Variants in CSMD2 observed in about 807,000 individuals in gnomAD.
The protein encoded by CSMD2 is CUB and Sushi multiple domains 2, also known as CUB and sushi domain-containing protein 2.
In CSMD2, 130 loss-of-function variants were observed where a neutral mutation model predicts 398.5. The observed-to-expected ratio is 0.33, with a 90% CI of 0.28 to 0.38. The LOEUF (loss-of-function observed/expected upper bound fraction) is 0.38. Ranked by LOEUF, CSMD2 falls within the 10% of genes least tolerant of loss-of-function variation. The probability of loss-of-function intolerance (pLI) is 1.00; values close to 1 mark genes in which losing one functional copy is unlikely to be tolerated. For missense variants in CSMD2, 3,829 were observed against 4,764.9 expected, an observed-to-expected ratio of 0.80 and a Z score of 5.78; for synonymous variants, 1,828 against 1,908.5, an observed-to-expected ratio of 0.96 and a Z score of 1.10.
rs1411493356 is a variant in CSMD2 at position 33,698,848 on chromosome 1, C to G, written c.3830G>C (p.Ser1277Thr). Reference protein sequence around the residue: ...GHFAGSSVSFSCDPGYSLRGS... With the variant: ...GHFAGSSVSFTCDPGYSLRGS... ...CCGCAGGCTGTATCCAGGGTCACAG[C>G]TGAAGGACACGGAGCTCCCTGCAAA... Residue 1277 changes from serine (S) to threonine (T), a missense_variant, in exon 24 of 71, where the codon AGC becomes ACC. Ser to Thr is a moderately conservative substitution (Grantham distance 58). Transcript: ENST00000373381. 3 of 1,614,240 alleles carry G rather than the reference C, an allele frequency of 1.9e-6. No individual in the cohort carries two copies. Among genetic ancestry groups the G allele is most frequent in the Admixed American group, 1.7e-5 (1 of 60,028 alleles).
chr1:34,143,102 G>A (rs912465119), intron 1 of CSMD2, among the ~76,000 whole-genome samples: 1 of 152,096 alleles, frequency 6.6e-6, no homozygotes, highest in African/African-American at 2.4e-5. Flanking sequence ...TCTATAAAAT[G>A]AGAATCATTA....
At chr1:33,545,061 C>A (rs991047760) in intron 57 of CSMD2, among the ~76,000 whole-genome samples, 1 of 152,118 alleles carries the variant, frequency 6.6e-6, no homozygotes, top group Non-Finnish European at 1.5e-5. Flanking sequence ...CTTAAGTGAG[C>A]GCTCAGTGCT....
chr1:34,056,825 G>A (rs1176680200), intron 2 of CSMD2, among the ~76,000 whole-genome samples: 4 of 152,154 alleles, frequency 2.6e-5, no homozygotes, highest in African/African-American at 7.2e-5. Context: ...GAGGGGAGGG[G>A]ATATGAAACA....
chr1:33,583,574 C>A, intron 47 of CSMD2, 68 bp downstream of exon 47: 3 of 1,485,206 alleles, frequency 2.0e-6, no homozygotes, highest in South Asian at 2.5e-5. Flanking sequence ...GCAGCACAGA[C>A]TCCTCGGGTT....
chr1:33,887,936 A>G (rs1279092190), intron 5 of CSMD2, among the ~76,000 whole-genome samples: 2 of 152,216 alleles, frequency 1.3e-5, no homozygotes, highest in African/African-American at 4.8e-5. Context: ...GAAGAAATGT[A>G]CAGAAATCAA....
intron 57 of CSMD2, among the ~76,000 whole-genome samples, chr1:33,543,865 GT>G (rs1293607188): frequency 6.6e-6 from 1 of 152,090 alleles, no homozygotes; most frequent in East Asian, 1.9e-4. Context: ...TAATGAGTTG[GT>G]TTCCTAGCAA....
intron 2 of CSMD2, among the ~76,000 whole-genome samples, chr1:34,054,349 T>G (rs556100590): frequency 6.6e-6 from 1 of 152,200 alleles, no homozygotes; most frequent in Non-Finnish European, 1.5e-5. Flanking sequence ...AAAAAGTTTC[T>G]TCAGGCTTAA....
chr1:34,165,829 A>G, upstream of CSMD2: 3 of 1,480,312 alleles, frequency 2.0e-6, no homozygotes, highest in Non-Finnish European at 2.7e-6. Context: ...ATAGCCTCCT[A>G]CCCCATCCCA....
chr1:33,572,386 T>G, intron 50 of CSMD2, 120 bp downstream of exon 50: 3 of 877,772 alleles, frequency 3.4e-6, no homozygotes, highest in African/African-American at 2.1e-5. Flanking sequence ...AACCTCCATG[T>G]CCATGTTTTT....
At chr1:33,864,152 T>G in intron 5 of CSMD2, 1 of 1,540,576 alleles carries the variant, frequency 6.5e-7, no homozygotes. Context: ...GTCTCTCCTG[T>G]CCACGTTACT....
At chr1:33,978,218 T>A (rs1646038912) in intron 3 of CSMD2, among the ~76,000 whole-genome samples, 1 of 152,254 alleles carries the variant, frequency 6.6e-6, no homozygotes, top group Non-Finnish European at 1.5e-5. Flanking sequence ...GAGCCTGTAC[T>A]CTTGGCCCCA....
chr1:33,715,361 A>C (rs900202815), intron 20 of CSMD2, among the ~76,000 whole-genome samples: 1 of 152,246 alleles, frequency 6.6e-6, no homozygotes, highest in African/African-American at 2.4e-5. Context: ...GACGGCAAGC[A>C]TGACCAGGGG....
intron 3 of CSMD2, among the ~76,000 whole-genome samples, chr1:33,966,577 C>A (rs1407967308): frequency 1.3e-5 from 2 of 152,076 alleles, no homozygotes; most frequent in African/African-American, 4.8e-5. Context: ...AAAATAGAGC[C>A]AACTGCCCAG....
intron 4 of CSMD2, among the ~76,000 whole-genome samples, chr1:33,919,871 T>C (rs986596993): frequency 1.3e-5 from 2 of 152,248 alleles, no homozygotes; most frequent in African/African-American, 4.8e-5. Flanking sequence ...GCACCTACTA[T>C]GTGTCAGCCA....
intron 6 of CSMD2, among the ~76,000 whole-genome samples, chr1:33,831,043 C>T (rs1659491333): frequency 1.3e-5 from 2 of 152,134 alleles, no homozygotes; most frequent in African/African-American, 2.4e-5. Flanking sequence ...GATTGGTGTA[C>T]CTGAAAGTGA....
chr1:33,695,391 G>T lies in CSMD2; in HGVS notation c.3926-2335C>A, dbSNP rs1645387834. ...TTTGCATGTTAGGAGGAGTCACTGT[G>T]GTGGCAGTATGATGGGGTACAGCAG... On this transcript the variant is annotated intron_variant, in intron 24 of 70. Transcript: ENST00000373381. Among the ~76,000 whole-genome samples, 3 of 152,140 alleles carry T rather than the reference G, an allele frequency of 2.0e-5. No homozygotes were observed. In the South Asian group the frequency reaches 6.2e-4, roughly 32 times the overall value.
At chr1:33,585,401 G>C (rs1038401703) in intron 46 of CSMD2, among the ~76,000 whole-genome samples, 1 of 152,158 alleles carries the variant, frequency 6.6e-6, no homozygotes, top group Non-Finnish European at 1.5e-5. Flanking sequence ...TCAGCACGGG[G>C]GCTGGGCTCC....
At chr1:33,680,600 C>T (rs1259504622) in intron 25 of CSMD2, among the ~76,000 whole-genome samples, 1 of 152,168 alleles carries the variant, frequency 6.6e-6, no homozygotes, top group African/African-American at 2.4e-5. Flanking sequence ...GTGCTCTGGG[C>T]CTTATATCCG....
At chr1:33,722,428 G>A (rs879879068) in intron 19 of CSMD2, among the ~76,000 whole-genome samples, 3 of 152,208 alleles carry the variant, frequency 2.0e-5, no homozygotes, top group Non-Finnish European at 2.9e-5. Flanking sequence ...GCATGCAAGT[G>A]TCCACATTAT....
Sources: allele counts gnomAD v4.1 joint callset (sites outside exome capture counted in the v4.1 genomes callset), GRCh38; gene constraint gnomAD v4.1.1; transcripts MANE v1.5; gene names NCBI Gene and HGNC (gene_info 2026-07-23, HGNC 2026-07-21).